The following FBXL17 variants were observed in gnomAD, a reference collection of about 807,000 sequenced individuals.
FBXL17 encodes the protein F-box and leucine rich repeat protein 17, also known as F-box/LRR-repeat protein 17.
In FBXL17, 22 loss-of-function variants were observed where a neutral mutation model predicts 66.2. The ratio of observed to expected loss-of-function variants is 0.33; its 90% CI spans 0.24 to 0.47. The LOEUF is 0.47. Ranked by LOEUF, FBXL17 falls within the 20% of genes least tolerant of loss-of-function variation. The probability of loss-of-function intolerance (pLI) is 1.00; values close to 1 mark genes in which losing one functional copy is unlikely to be tolerated. For missense variants in FBXL17, 878 were observed against 948.2 expected (o/e 0.93, Z 0.97); for synonymous variants, 474 against 400.5 (o/e 1.18, Z -2.19).
At chr5:108,296,113 G>A (rs1336544316) in intron 4 of FBXL17, among the ~76,000 whole-genome samples, 1 of 151,794 alleles carries the variant, frequency 6.6e-6, no homozygotes, top group Non-Finnish European at 1.5e-5. Context: ...AGAGAGTTGT[G>A]AGGAGAAAAG....
rs149028868 is a variant in FBXL17 at position 107,864,154 on chromosome 5, A to G, written c.1966-2294T>C. On this transcript the variant is annotated intron_variant, in intron 8 of 8. Transcript: ENST00000542267. ...ATATAATAATATGCCTCGCACTGTG[A>G]CTGATATAAAAAGCCCACCATACAG... 5.4e-3 allele frequency among the ~76,000 whole-genome samples: 829 copies of G among 152,296 alleles called. 11 individuals are homozygous for G. The highest frequency in any genetic ancestry group is 0.019 in the African/African-American group (797 of 41,550).
chr5:107,953,961 A>G (rs1185705285), intron 7 of FBXL17, among the ~76,000 whole-genome samples: 1 of 152,250 alleles, frequency 6.6e-6, no homozygotes, highest in Non-Finnish European at 1.5e-5. Flanking sequence ...GTCACTAATG[A>G]CTAAACTCTA....
rs1232610317 is a variant in FBXL17, at chr5:108,381,045, C to T, written c.647G>A (p.Gly216Asp). 8.3e-7 allele frequency: 1 copy of T among 1,207,844 alleles called. No homozygotes were observed. Among genetic ancestry groups the T allele is most frequent in the Non-Finnish European group, 1.0e-6 (1 of 973,120 alleles). The allele number at this position is 1,207,844 out of a possible 1,614,324, so 74.8% of individuals were successfully genotyped here. A position where few individuals can be genotyped will look rare whatever the true frequency, so the allele number is the denominator to read the frequency against. The stretch of plus-strand genomic sequence containing the variant: ...GCCGCCGCCGCCGCAGCCCCCGCCG[C>T]CGCAGCGGGGCTGCTTGCAGGGGGT... ...ACTPCKQPRCGGGGCGGGGGG... is the reference protein window; with the variant it reads ...ACTPCKQPRCDGGGCGGGGGG... The change falls in exon 1 of 9, where the codon GGC (glycine) becomes GAC (aspartate). Residue 216 changes from glycine to aspartate, a missense_variant. By Grantham distance (94) the Gly-to-Asp change is moderately conservative. Transcript: ENST00000542267.
Position 108,381,095 on chromosome 5 carries a change from C to A in FBXL17, c.597G>T (p.Arg199=). ...TGCAGGCGGGGACCCCGGCCCCCTT[C>A]CGCTTGCACACCATTTCGGGGGGCG... ...LPTPPEMVCK[R]KGAGVPACTP... The change falls in exon 1 of 9, where the codon CGG becomes CGT. Residue 199 remains arginine (R), a synonymous_variant. Transcript: ENST00000542267. 1 of 1,274,040 alleles carries A rather than the reference C, an allele frequency of 7.8e-7. No individual in the cohort carries two copies. The highest frequency in any genetic ancestry group is 9.9e-7 in the Non-Finnish European group (1 of 1,010,916). 78.9% of individuals were successfully genotyped at this position (1,274,040 alleles called of 1,614,324 possible).
intron 4 of FBXL17, among the ~76,000 whole-genome samples, chr5:108,228,832 A>T (rs1361378267): frequency 6.6e-6 from 1 of 152,178 alleles, no homozygotes. Context: ...ACATAGGTGA[A>T]AGTTTGTTAC....
At chr5:108,196,946 T>C (rs1284552362) in intron 5 of FBXL17, among the ~76,000 whole-genome samples, 1 of 152,156 alleles carries the variant, frequency 6.6e-6, no homozygotes, top group African/African-American at 2.4e-5. Flanking sequence ...TTTGAGTAGT[T>C]CACCAAAATT....
intron 6 of FBXL17, among the ~76,000 whole-genome samples, chr5:108,090,193 CTAAA>C (rs1183146759): frequency 6.6e-6 from 1 of 152,174 alleles, no homozygotes; most frequent in Non-Finnish European, 1.5e-5. Flanking sequence ...TGTATCATCA[CTAAA>C]TAATCTGAGT....
intron 6 of FBXL17, among the ~76,000 whole-genome samples, chr5:108,061,930 CCCCAGATGA>C (rs1370335454): frequency 1.3e-5 from 2 of 151,398 alleles, no homozygotes; most frequent in Admixed American, 1.3e-4. Context: ...ACTTTGAGCT[CCCCAGATGA>C]AAGCCCGCAT....
At chr5:107,863,589 A>G (rs1748193193) in intron 8 of FBXL17, among the ~76,000 whole-genome samples, 1 of 141,788 alleles carries the variant, frequency 7.1e-6, no homozygotes, top group Non-Finnish European at 1.6e-5. Context: ...AGTACTTATT[A>G]TTGTACTAAG....
chr5:107,992,415 C>T (rs1257423771), intron 7 of FBXL17, among the ~76,000 whole-genome samples: 1 of 152,062 alleles, frequency 6.6e-6, no homozygotes, highest in Admixed American at 6.6e-5. Flanking sequence ...ACTGGAACTA[C>T]AATCAGAAAA....
At chr5:108,376,727 G>A (rs891909816) in intron 1 of FBXL17, among the ~76,000 whole-genome samples, 4 of 150,904 alleles carry the variant, frequency 2.7e-5, no homozygotes, top group Non-Finnish European at 4.4e-5. Flanking sequence ...GTCTCTTTAC[G>A]TGTCTTAAAA....
chr5:108,232,103 G>A (rs577733301), intron 4 of FBXL17, among the ~76,000 whole-genome samples: 5 of 152,314 alleles, frequency 3.3e-5, no homozygotes, highest in Admixed American at 6.5e-5. Flanking sequence ...ACTGTTATGA[G>A]TATTTCCTCC....
At position 108,224,240 on chromosome 5, in the gene FBXL17, A is replaced by G. The variant is rs1754995945; in HGVS notation, c.1507-12T>C. 6.7e-7 allele frequency: 1 copy of G among 1,503,494 alleles called. No individual in the cohort carries two copies. The highest frequency in any genetic ancestry group is 1.2e-5 in the South Asian group (1 of 85,890). 93.1% of individuals were successfully genotyped at this position (1,503,494 alleles called of 1,614,324 possible). On this transcript the variant is annotated splice_polypyrimidine_tract_variant and intron_variant, in intron 4 of 8. Transcript: ENST00000542267. ...GACTGATCTGTCACCTAGGGAAAAG[A>G]CATGGATGAAATTATTCAAGGTAAT...
intron 7 of FBXL17, among the ~76,000 whole-genome samples, chr5:107,960,512 A>G (rs554426944): frequency 1.3e-5 from 2 of 152,176 alleles, no homozygotes; most frequent in African/African-American, 4.8e-5. Context: ...CAGGAGTTCA[A>G]CTTTAGATTT....
rs1458324215 is a variant in FBXL17, at chr5:108,178,562, C to T, written c.1745+7555G>A. On this transcript the variant is annotated intron_variant, in intron 6 of 8. Transcript: ENST00000542267. The stretch of plus-strand genomic sequence containing the variant: ...ACTCAGTAAAATATATTTCATTATT[C>T]TTTTTGCAAAAATACAAATAATGTC... Among the ~76,000 whole-genome samples, 10 of 152,252 alleles carry T rather than the reference C, an allele frequency of 6.6e-5. 1 individual carries two copies. The highest frequency in any genetic ancestry group is 2.4e-4 in the African/African-American group (10 of 41,562).
intron 4 of FBXL17, among the ~76,000 whole-genome samples, chr5:108,282,790 T>C (rs946884201): frequency 4.0e-5 from 6 of 151,400 alleles, no homozygotes; most frequent in Admixed American, 3.3e-4. Flanking sequence ...AACTCTTACA[T>C]AACTAAATTA....
At chr5:108,038,050 T>G (rs962090214) in intron 6 of FBXL17, among the ~76,000 whole-genome samples, 13 of 152,158 alleles carry the variant, frequency 8.5e-5, no homozygotes, top group Non-Finnish European at 1.8e-4. Context: ...AAAGAAATTT[T>G]GCACGACAAA....
chr5:108,258,358 A>G (rs1486302074), intron 4 of FBXL17, among the ~76,000 whole-genome samples: 1 of 152,172 alleles, frequency 6.6e-6, no homozygotes, highest in Non-Finnish European at 1.5e-5. Flanking sequence ...TAGGCCACCC[A>G]GTCTATGGTA....
intron 5 of FBXL17, among the ~76,000 whole-genome samples, chr5:108,199,735 C>A (rs183331023): frequency 6.6e-6 from 1 of 152,052 alleles, no homozygotes; most frequent in East Asian, 1.9e-4. Context: ...TTTCTATTGT[C>A]TTAAATGTGA....
Sources: allele counts gnomAD v4.1 joint callset (sites outside exome capture counted in the v4.1 genomes callset), GRCh38; gene constraint gnomAD v4.1.1; transcripts MANE v1.5; gene names NCBI Gene and HGNC (gene_info 2026-07-23, HGNC 2026-07-21).